Variants in ZSCAN25 observed in about 807,000 individuals in gnomAD.
ZSCAN25 encodes zinc finger and SCAN domain-containing protein 25.
In ZSCAN25, 27 loss-of-function variants were observed where a neutral mutation model predicts 38.7. The ratio of observed to expected loss-of-function variants is 0.70; its 90% CI spans 0.51 to 0.96. ZSCAN25 has a LOEUF of 0.96. ZSCAN25 is among the 40% of genes least tolerant of loss of function. The probability of loss-of-function intolerance (pLI) is 0.00; values close to 1 mark genes in which losing one functional copy is unlikely to be tolerated. For synonymous variants in ZSCAN25, 273 were observed against 277.7 expected (o/e 0.98, Z 0.17); for missense variants, 637 against 705.9 (o/e 0.90, Z 1.11).
At chr7:99,669,334 A>G in the ZSCAN25 span, among the ~76,000 whole-genome samples, 1 of 152,216 alleles carries the variant, frequency 6.6e-6, no homozygotes, top group Non-Finnish European at 1.5e-5. Context: ...AAATAGCAGA[A>G]CTGAAAAAAA....
At chr7:99,714,424 G>A in the ZSCAN25 span, 15 of 1,406,390 alleles carry the variant, frequency 1.1e-5, no homozygotes, top group South Asian at 4.0e-5. Context: ...GAATTATCTT[G>A]CTCTAAACAT....
At position 99,630,107 on chromosome 7, in the gene ZSCAN25, T is replaced by C. The variant is rs1028219611; in HGVS notation, c.*87T>C. On this transcript the variant is annotated 3_prime_UTR_variant, in exon 8 of 8. Coordinates refer to ENST00000394152, the MANE Select transcript of ZSCAN25 (RefSeq NM_145115.3). ...CAAGGTGATGGCTGCAGGAAAGCACTGGTCCCATCGCCTTCCCACCCATTC... is the reference window on the plus strand; with the variant it reads ...CAAGGTGATGGCTGCAGGAAAGCACCGGTCCCATCGCCTTCCCACCCATTC... 1.4e-6 allele frequency: 2 copies of C among 1,439,490 alleles called. No homozygotes were observed. 89.2% of individuals were successfully genotyped at this position (1,439,490 alleles called of 1,614,324 possible).
the ZSCAN25 span, among the ~76,000 whole-genome samples, chr7:99,696,578 T>C: frequency 2.0e-5 from 3 of 152,166 alleles, no homozygotes; most frequent in Non-Finnish European, 4.4e-5. Context: ...TTGGGGAGGA[T>C]GATTAACTCA....
At chr7:99,639,235 T>A in the ZSCAN25 span, among the ~76,000 whole-genome samples, 2 of 152,198 alleles carry the variant, frequency 1.3e-5, no homozygotes, top group Non-Finnish European at 2.9e-5. Context: ...GGATAATATG[T>A]CAATTAGATA....
In ZSCAN25 at chr7:99,631,570, A is replaced by C. The variant is rs953308293; in HGVS notation, c.*1550A>C. 3.0e-6 allele frequency: 3 copies of C among 985,112 alleles called. No homozygotes were observed. The highest frequency in any genetic ancestry group is 3.6e-6 in the Non-Finnish European group (3 of 829,912). 61.0% of individuals were successfully genotyped at this position (985,112 alleles called of 1,614,324 possible). ...GTTGATAGTGTCCTATAATTGCAAA[A>C]TGTGGTTTGTCTTCTGATGCCTCTT... is the stretch of plus-strand genomic sequence containing the variant. On this transcript the variant is annotated 3_prime_UTR_variant, in exon 8 of 8. Transcript: ENST00000394152.
rs1301962935 is a variant in ZSCAN25, at chr7:99,629,496, G to C, written c.1111G>C (p.Glu371Gln). 6.2e-7 allele frequency: 1 copy of C among 1,614,216 alleles called. No homozygotes were observed. Among genetic ancestry groups the C allele is most frequent in the Admixed American group, 1.7e-5 (1 of 60,028 alleles). Residue 371 changes from glutamate to glutamine, a missense_variant, in exon 8 of 8, where the codon GAA (glutamate) becomes CAA (glutamine). Transcript: ENST00000394152. The surrounding 1 kb of genome is among the most constrained non-coding windows in gnomAD (Gnocchi z 5.6). The stretch of plus-strand genomic sequence containing the variant: ...TCTCGTCAGGCACCAGCGAACCCAC[G>C]AAGAGAAGTCTTATGGCTGTGTGGA... ...SNLVRHQRTHEEKSYGCVECG... is the reference protein window; with the variant it reads ...SNLVRHQRTHQEKSYGCVECG...
chr7:99,633,451 A>G (rs1808139081), downstream of ZSCAN25, among the ~76,000 whole-genome samples: 1 of 152,260 alleles, frequency 6.6e-6, no homozygotes, highest in African/African-American at 2.4e-5. Context: ...AGGGAAGGCA[A>G]GAAAATGCTT....
At chr7:99,666,261 C>T in the ZSCAN25 span, among the ~76,000 whole-genome samples, 1 of 152,172 alleles carries the variant, frequency 6.6e-6, no homozygotes, top group Non-Finnish European at 1.5e-5. Flanking sequence ...GTACCAAATG[C>T]TTGCTTACCC....
chr7:99,720,269 TAATC>T, the ZSCAN25 span: 38 of 1,607,658 alleles, frequency 2.4e-5, no homozygotes, highest in African/African-American at 3.7e-4. Flanking sequence ...AATAAAAATT[TAATC>T]AATCAATGAG....
the ZSCAN25 span, among the ~76,000 whole-genome samples, chr7:99,737,925 G>A: frequency 1.1e-4 from 17 of 152,308 alleles, no homozygotes; most frequent in Middle Eastern, 6.8e-3. Flanking sequence ...TGCCTACTGA[G>A]AGCTGCACTG....
the ZSCAN25 span, chr7:99,679,886 A>G: frequency 6.2e-7 from 1 of 1,614,022 alleles, no homozygotes; most frequent in Non-Finnish European, 8.5e-7. Flanking sequence ...CAAATTTGGG[A>G]TGAGGTCCAT....
chr7:99,714,602 T>C, the ZSCAN25 span: 1 of 1,613,446 alleles, frequency 6.2e-7, no homozygotes, highest in Non-Finnish European at 8.5e-7. Context: ...TTTACAGATT[T>C]TGTTAGAAAA....
At chr7:99,712,577 G>C in the ZSCAN25 span, among the ~76,000 whole-genome samples, 1 of 152,180 alleles carries the variant, frequency 6.6e-6, no homozygotes, top group East Asian at 1.9e-4. Flanking sequence ...ATCACAGCAA[G>C]TTGTATTGGG....
chr7:99,714,442 C>T, the ZSCAN25 span: 1 of 1,498,424 alleles, frequency 6.7e-7, no homozygotes, highest in Non-Finnish European at 9.0e-7. Flanking sequence ...CATAAGTACT[C>T]TTTATGTTAA....
At chr7:99,686,940 A>T in the ZSCAN25 span, among the ~76,000 whole-genome samples, 1 of 152,154 alleles carries the variant, frequency 6.6e-6, no homozygotes, top group African/African-American at 2.4e-5. Flanking sequence ...CCTCTAGCAA[A>T]CTCCAACAGA....
chr7:99,667,721 T>C, the ZSCAN25 span, among the ~76,000 whole-genome samples: 1 of 152,228 alleles, frequency 6.6e-6, no homozygotes, highest in African/African-American at 2.4e-5. Flanking sequence ...CAACTATGTT[T>C]TGTTTTAAAA....
chr7:99,659,977 C>T, the ZSCAN25 span: 1 of 155,168 alleles, frequency 6.4e-6, no homozygotes, highest in Non-Finnish European at 1.4e-5. Context: ...GTCCGTCACC[C>T]CTAGGAAAGG....
In ZSCAN25 at chr7:99,632,166, C is replaced by T; in HGVS notation, c.*2146C>T. The T allele has an allele frequency of 1.0e-6, 1 of 985,454 alleles. No homozygotes were observed. Among genetic ancestry groups the T allele is most frequent in the Non-Finnish European group, 1.2e-6 (1 of 829,936 alleles). The allele number at this position is 985,454 out of a possible 1,614,324, so 61.0% of individuals were successfully genotyped here. Reference sequence around the variant, plus strand: ...TGCTGACTTTCCTATCTGGCCTCTTCCCTATCTCCTGTGGGGCCAAGAGCT... The same window carrying T: ...TGCTGACTTTCCTATCTGGCCTCTTTCCTATCTCCTGTGGGGCCAAGAGCT... On this transcript the variant is annotated 3_prime_UTR_variant, in exon 8 of 8. Transcript: ENST00000394152.
the ZSCAN25 span, among the ~76,000 whole-genome samples, chr7:99,706,816 A>G: frequency 4.6e-5 from 7 of 152,346 alleles, no homozygotes; most frequent in Non-Finnish European, 8.8e-5. Context: ...CACTCCTTAA[A>G]CATTTACCAA....
Sources: allele counts gnomAD v4.1 joint callset (sites outside exome capture counted in the v4.1 genomes callset), GRCh38; gene constraint gnomAD v4.1.1; non-coding constraint Gnocchi (gnomAD v3.1); transcripts MANE v1.5; gene names NCBI Gene and HGNC (gene_info 2026-07-23, HGNC 2026-07-21).